The following SLC29A1 variants were observed in gnomAD, a reference collection of about 807,000 sequenced individuals.
SLC29A1 encodes equilibrative nucleoside transporter 1.
Under a neutral mutation model 48.3 loss-of-function variants are expected in SLC29A1, and 22 were observed. That is an observed-to-expected ratio of 0.46 (90% CI 0.33 to 0.65). The LOEUF (loss-of-function observed/expected upper bound fraction) is 0.65, where lower values mean the gene tolerates loss of function less well. SLC29A1 is among the 30% of genes least tolerant of loss of function. The probability of loss-of-function intolerance (pLI) is 0.03; values close to 1 mark genes in which losing one functional copy is unlikely to be tolerated. For synonymous variants in SLC29A1, 228 were observed against 231.0 expected, an observed-to-expected ratio of 0.99 and a Z score of 0.12; for missense variants, 491 against 575.3, an observed-to-expected ratio of 0.85 and a Z score of 1.50.
rs1385216934 is a variant in SLC29A1, at chr6:44,228,256, G to A, written c.29+914G>A. Among the ~76,000 whole-genome samples, 5 of 152,272 alleles carry A rather than the reference G, an allele frequency of 3.3e-5. No individual in the cohort carries two copies. In the East Asian group the frequency reaches 5.8e-4, roughly 18 times the overall value. On this transcript the variant is annotated intron_variant, in intron 2 of 12. Coordinates refer to ENST00000371755, the MANE Select transcript of SLC29A1 (RefSeq NM_001372327.1). ...CTGTGGGCAGTTCCCTGAAGGCCTC[G>A]CCGGCTCCATTTGCCTTATTGCACA... is the stretch of plus-strand genomic sequence containing the variant.
chr6:44,227,253 C>A lies in SLC29A1; in HGVS notation c.-51-10C>A, dbSNP rs745972813. The A allele has an allele frequency of 5.6e-6, 9 of 1,611,756 alleles. No homozygotes were observed. Among genetic ancestry groups the A allele is most frequent in the Middle Eastern group, 1.7e-4 (1 of 6,052 alleles). The stretch of plus-strand genomic sequence containing the variant: ...AAGACAGGGCCTCACACTGTTCCTG[C>A]CCCCAGCAGGCCCCTGAGGGAGGGA... On this transcript the variant is annotated splice_polypyrimidine_tract_variant and intron_variant, in intron 1 of 12. Transcript: ENST00000371755.
intron 1 of SLC29A1, among the ~76,000 whole-genome samples, chr6:44,224,233 G>A (rs1026017583): frequency 9.2e-5 from 14 of 151,888 alleles, no homozygotes; most frequent in Non-Finnish European, 1.9e-4. Context: ...GGTCAAGGCT[G>A]GCTCCAACCC....
At position 44,223,723 on chromosome 6, in the gene SLC29A1, A is replaced by AGGGC. The variant is rs1301637180; in HGVS notation, c.-52+87_-52+90dup. ...TGCCCGCCTGCCACGGAGGGCAGGG[A>AGGGC]GGGCGGGCCTGACGGCTCCGCAGCC... On this transcript the variant is annotated intron_variant, in intron 1 of 12. Coordinates refer to ENST00000371755, the MANE Select transcript of SLC29A1 (RefSeq NM_001372327.1). The surrounding 1 kb of genome is among the most constrained non-coding windows in gnomAD (Gnocchi z 5.0). 1 of 1,070,628 alleles carries AGGGC rather than the reference A, an allele frequency of 9.3e-7. No homozygotes were observed. Among genetic ancestry groups the AGGGC allele is most frequent in the Non-Finnish European group, 1.1e-6 (1 of 876,030 alleles). The allele number at this position is 1,070,628 out of a possible 1,614,324, so 66.3% of individuals were successfully genotyped here.
chr6:44,225,361 C>T (rs1039707612), intron 1 of SLC29A1, among the ~76,000 whole-genome samples: 4 of 151,944 alleles, frequency 2.6e-5, no homozygotes, highest in African/African-American at 9.7e-5. Flanking sequence ...CAGAAATCAG[C>T]CGGGGGTGGT....
chr6:44,232,066 T>C lies in SLC29A1; in HGVS notation c.933T>C (p.Thr311=). ...TITIGMFPAV[T]VEVKSSIAGS... is the part of the protein sequence containing the mutation. The stretch of plus-strand genomic sequence containing the variant: ...CCATTGGGATGTTTCCAGCCGTGAC[T>C]GTTGAGGTCAAGTCCAGCATCGCAG... Residue 311 remains threonine, a synonymous_variant, in exon 10 of 13, where the codon ACT becomes ACC. Transcript: ENST00000371755. This position sits in a 1 kb window ranked among gnomAD's most constrained non-coding sequence, Gnocchi z 4.7. The C allele has an allele frequency of 6.2e-7, 1 of 1,614,102 alleles. No homozygotes were observed. Among genetic ancestry groups the C allele is most frequent in the South Asian group, 1.1e-5 (1 of 91,076 alleles).
At position 44,223,707 on chromosome 6, in the gene SLC29A1, G is replaced by A. The variant is rs1318666419; in HGVS notation, c.-52+66G>A. 14 of 1,100,252 alleles carry A rather than the reference G, an allele frequency of 1.3e-5. No individual in the cohort carries two copies. Among genetic ancestry groups the A allele is most frequent in the Non-Finnish European group, 1.6e-5 (14 of 890,056 alleles). The allele number at this position is 1,100,252 out of a possible 1,614,324, so 68.2% of individuals were successfully genotyped here. On this transcript the variant is annotated intron_variant, in intron 1 of 12. Coordinates refer to ENST00000371755, the MANE Select transcript of SLC29A1 (RefSeq NM_001372327.1). The surrounding 1 kb of genome is among the most constrained non-coding windows in gnomAD (Gnocchi z 5.0). ...GGGCGGAAGACGCCGCTGCCCGCCT[G>A]CCACGGAGGGCAGGGAGGGCGGGCC...
intron 1 of SLC29A1, chr6:44,225,556 C>T (rs1027691091): frequency 1.3e-5 from 2 of 152,144 alleles, no homozygotes; most frequent in Admixed American, 6.6e-5. Flanking sequence ...CTTTCCCCCA[C>T]CCCCACTCCA....
In SLC29A1 at chr6:44,223,776, AGTGCGGAGC is replaced by A. The variant is rs1224782129; in HGVS notation, c.-52+145_-52+153del. 49 of 1,032,980 alleles carry A rather than the reference AGTGCGGAGC, an allele frequency of 4.7e-5. No individual in the cohort carries two copies. Among genetic ancestry groups the A allele is most frequent in the East Asian group, 1.1e-4 (1 of 9,004 alleles). The allele number at this position is 1,032,980 out of a possible 1,614,324, so 64.0% of individuals were successfully genotyped here. ...GAGAAGGGACGCCGGGTGGGGCCCC[AGTGCGGAGC>A]GTGCGGAGCCGCGCAGCACGTGGCG... On this transcript the variant is annotated intron_variant, in intron 1 of 12. Transcript: ENST00000371755. The surrounding 1 kb of genome is among the most constrained non-coding windows in gnomAD (Gnocchi z 5.0).
chr6:44,222,355 C>G (rs1270331611), upstream of SLC29A1, among the ~76,000 whole-genome samples: 4 of 152,062 alleles, frequency 2.6e-5, no homozygotes, highest in Non-Finnish European at 5.9e-5. Flanking sequence ...TCTGGAGTAG[C>G]TTGGGGAGAG....
upstream of SLC29A1, chr6:44,219,722 C>T (rs1776094916): frequency 1.6e-6 from 2 of 1,289,018 alleles, no homozygotes; most frequent in Admixed American, 2.3e-5. Context: ...ACTAGGGGCC[C>T]GCAGGCCTGG....
At chr6:44,219,723 G>C, upstream of SLC29A1, 1 of 1,288,918 alleles carries the variant, frequency 7.8e-7, no homozygotes, top group Middle Eastern at 2.1e-4. Context: ...CTAGGGGCCC[G>C]CAGGCCTGGG....
chr6:44,225,473 T>G (rs1263895503), intron 1 of SLC29A1, among the ~76,000 whole-genome samples: 1 of 134,954 alleles, frequency 7.4e-6, no homozygotes, highest in Non-Finnish European at 1.5e-5. Context: ...GCCATTGCAC[T>G]CCAGCCTGGG....
intron 1 of SLC29A1, among the ~76,000 whole-genome samples, chr6:44,224,457 A>T (rs1777052565): frequency 6.6e-6 from 1 of 151,836 alleles, no homozygotes; most frequent in South Asian, 2.1e-4. Flanking sequence ...GTTGAATCAG[A>T]GTTCCCCCCA....
chr6:44,230,517 G>C, intron 6 of SLC29A1, 36 bp downstream of exon 6: 12 of 1,613,968 alleles, frequency 7.4e-6, no homozygotes, highest in Non-Finnish European at 1.0e-5. Flanking sequence ...GTGCCCTGGT[G>C]TGGTGGGGAG....
chr6:44,233,393 C>A (rs765223027), intron 12 of SLC29A1, 24 bp from the exon 13 acceptor site: 3 of 1,588,224 alleles, frequency 1.9e-6, no homozygotes, highest in African/African-American at 1.3e-5. Flanking sequence ...TCTGAGGTAG[C>A]CTTGCCCTTC....
At chr6:44,225,056 A>G (rs1356395969) in intron 1 of SLC29A1, among the ~76,000 whole-genome samples, 4 of 152,192 alleles carry the variant, frequency 2.6e-5, no homozygotes, top group Admixed American at 6.5e-5. Context: ...AGTTTTACCC[A>G]GGAGAACAGG....
chr6:44,231,397 G>C lies in SLC29A1; in HGVS notation c.800G>C (p.Gly267Ala), dbSNP rs1488592576. ...EEPRAGKEES[G>A]VSVSNSQPTN... ...CCAAGAGCAGGCAAAGAGGAATCTG[G>C]AGTTTCAGTCTCCAACTCTCAGCCC... Residue 267 changes from glycine (G) to alanine (A), a missense_variant, in exon 9 of 13, where the codon GGA (glycine) becomes GCA (alanine). By Grantham distance (60) the Gly-to-Ala change is moderately conservative (BLOSUM62 0). Coordinates refer to ENST00000371755, the MANE Select transcript of SLC29A1 (RefSeq NM_001372327.1). The C allele has an allele frequency of 7.5e-6, 12 of 1,604,932 alleles. No homozygotes were observed. Among genetic ancestry groups the C allele is most frequent in the Non-Finnish European group, 1.0e-5 (12 of 1,174,346 alleles).
In SLC29A1 at chr6:44,225,162, C is replaced by T. The variant is rs1315081396; in HGVS notation, c.-52+1521C>T. Among the ~76,000 whole-genome samples, 5 of 152,050 alleles carry T rather than the reference C, an allele frequency of 3.3e-5. No homozygotes were observed. The East Asian group carries it at 7.7e-4, about 23-fold the overall frequency. ...CCTGTGGGGTGGAGTACGGGGTATG[C>T]GGGTATGAAGTAAGAACCTAGAGGA... On this transcript the variant is annotated intron_variant, in intron 1 of 12. Transcript: ENST00000371755.
chr6:44,230,251 A>C (rs1287369065), intron 5 of SLC29A1, 96 bp from the exon 6 acceptor site: 24 of 1,550,764 alleles, frequency 1.5e-5, no homozygotes, highest in Non-Finnish European at 1.9e-5. Flanking sequence ...CTCAAGGCTC[A>C]CCAAGAGTAA....
Sources: allele counts gnomAD v4.1 joint callset (sites outside exome capture counted in the v4.1 genomes callset), GRCh38; gene constraint gnomAD v4.1.1; non-coding constraint Gnocchi (gnomAD v3.1); transcripts MANE v1.5; gene names NCBI Gene and HGNC (gene_info 2026-07-23, HGNC 2026-07-21).